The following ANKS1A variants were observed in gnomAD, a reference collection of about 807,000 sequenced individuals.
ANKS1A encodes ankyrin repeat and sterile alpha motif domain containing 1A.
A neutral mutation model predicts 120.3 loss-of-function variants in ANKS1A; 55 were observed. The observed-to-expected ratio is 0.46, with a 90% CI of 0.37 to 0.57. The LOEUF is 0.57. Among genes scored for constraint, ANKS1A ranks in the 20% least tolerant of loss-of-function variants. The pLI is 0.00. For missense variants in ANKS1A, 1,123 were observed against 1,480.3 expected (o/e 0.76, Z 3.96); for synonymous variants, 590 against 604.7 (o/e 0.98, Z 0.36).
chr6:34,975,141 A>G (rs563804251), intron 3 of ANKS1A, among the ~76,000 whole-genome samples: 47 of 152,328 alleles, frequency 3.1e-4, no homozygotes, highest in African/African-American at 1.0e-3. Flanking sequence ...TGAAAGGCCA[A>G]TTGATGCAAA....
intron 10 of ANKS1A, among the ~76,000 whole-genome samples, chr6:34,997,221 G>C (rs1476252041): frequency 5.7e-5 from 7 of 123,740 alleles, no homozygotes; most frequent in African/African-American, 2.1e-4. Flanking sequence ...TTTTGAGACA[G>C]AGTCTTGCTC....
intron 11 of ANKS1A, among the ~76,000 whole-genome samples, chr6:35,053,005 G>A (rs1776045016): frequency 6.6e-6 from 1 of 152,170 alleles, no homozygotes; most frequent in South Asian, 2.1e-4. Flanking sequence ...CGAGCCCCCA[G>A]CTGCCCAAGG....
intron 11 of ANKS1A, among the ~76,000 whole-genome samples, chr6:35,053,375 G>T (rs1203155338): frequency 6.6e-6 from 1 of 152,230 alleles, no homozygotes; most frequent in Non-Finnish European, 1.5e-5. Context: ...CATACTGGGG[G>T]CAGCGCTGGA....
At chr6:34,934,438 A>G (rs1000738171) in intron 1 of ANKS1A, among the ~76,000 whole-genome samples, 21 of 152,188 alleles carry the variant, frequency 1.4e-4, no homozygotes, top group South Asian at 2.1e-4. Flanking sequence ...GTGAGCCACC[A>G]CGCCCAGCCA....
At chr6:35,017,337 C>G in intron 10 of ANKS1A, 136 bp from the exon 11 acceptor site, 1 of 848,930 alleles carries the variant, frequency 1.2e-6, no homozygotes, top group Non-Finnish European at 1.8e-6. Context: ...CTCCTCTCCC[C>G]CTCCCCAGCC....
At chr6:34,959,707 C>T (rs1480812460) in intron 1 of ANKS1A, among the ~76,000 whole-genome samples, 3 of 152,136 alleles carry the variant, frequency 2.0e-5, no homozygotes, top group East Asian at 1.9e-4. Flanking sequence ...CTTGCTTTTG[C>T]GATTCTTATT....
intron 23 of ANKS1A, among the ~76,000 whole-genome samples, chr6:35,087,851 G>A (rs1408656694): frequency 6.6e-6 from 1 of 152,240 alleles, no homozygotes; most frequent in Non-Finnish European, 1.5e-5. Context: ...CTCCAAGGAG[G>A]TGGGTGGCAT....
chr6:35,070,484 C>CTTTTTTTTTTTTTTTTTTTTT (rs869249276), intron 13 of ANKS1A, among the ~76,000 whole-genome samples: 2 of 62,970 alleles, frequency 3.2e-5, no homozygotes, highest in Non-Finnish European at 2.9e-5. Flanking sequence ...AAGCCTTTAT[C>CTTTTTTTTTTTTTTTTTTTTT]TTTTTTTTTT....
chr6:35,097,140 GGTTT>G, the ANKS1A span, among the ~76,000 whole-genome samples: 1 of 152,156 alleles, frequency 6.6e-6, no homozygotes, highest in Admixed American at 6.5e-5. Context: ...TGTAAATTTA[GGTTT>G]GTCTAACAAC....
intron 14 of ANKS1A, among the ~76,000 whole-genome samples, chr6:35,078,945 G>A (rs927056989): frequency 2.6e-5 from 4 of 152,300 alleles, no homozygotes; most frequent in Admixed American, 6.5e-5. Context: ...CCTGGTACCC[G>A]CTGGCTTGGC....
chr6:35,050,348 T>C lies in ANKS1A; in HGVS notation c.2011-3751T>C, dbSNP rs1260559352. On this transcript the variant is annotated intron_variant, in intron 11 of 23. Transcript: ENST00000360359. The surrounding 1 kb of genome is among the most constrained non-coding windows in gnomAD (Gnocchi z 4.3). ...AAGTTTTCAGTCAGTTCACGTGAAGTGCACTAATAAGGAAGCATGGCCATT... is the reference window on the plus strand; with the variant it reads ...AAGTTTTCAGTCAGTTCACGTGAAGCGCACTAATAAGGAAGCATGGCCATT... Among the ~76,000 whole-genome samples the C allele has an allele frequency of 2.0e-5, 3 of 152,176 alleles. No individual in the cohort carries two copies. The highest frequency in any genetic ancestry group is 4.4e-5 in the Non-Finnish European group (3 of 68,030).
chr6:34,973,553 A>C (rs182291789), intron 3 of ANKS1A, among the ~76,000 whole-genome samples: 64 of 152,348 alleles, frequency 4.2e-4, no homozygotes, highest in African/African-American at 1.5e-3. Context: ...AGTGTGCTCA[A>C]GACACTACAT....
At position 34,982,045 on chromosome 6, in the gene ANKS1A, C is replaced by G; in HGVS notation, c.732+59C>G. On this transcript the variant is annotated intron_variant, in intron 4 of 23. Transcript: ENST00000360359. This position sits in a 1 kb window ranked among gnomAD's most constrained non-coding sequence, Gnocchi z 4.9. ...AGAGACTCAGTCATTTTGCAGAAGG[C>G]ACAAGGACCATGCTGCTGGGCTGTG... 10 of 1,583,022 alleles carry G rather than the reference C, an allele frequency of 6.3e-6. No homozygotes were observed. Among genetic ancestry groups the G allele is most frequent in the Non-Finnish European group, 7.7e-6 (9 of 1,162,216 alleles).
chr6:34,950,734 T>G (rs879047042), intron 1 of ANKS1A, among the ~76,000 whole-genome samples: 4 of 152,002 alleles, frequency 2.6e-5, no homozygotes, highest in Admixed American at 2.6e-4. Flanking sequence ...GGCCAAAGAC[T>G]TAGACATCAA....
chr6:34,895,088 A>G (rs1189212953), intron 1 of ANKS1A, among the ~76,000 whole-genome samples: 4 of 152,258 alleles, frequency 2.6e-5, no homozygotes, highest in Non-Finnish European at 5.9e-5. Context: ...ATTTTGAAAA[A>G]TGGACCTCAT....
At chr6:35,054,409 A>G (rs952631225) in intron 12 of ANKS1A, among the ~76,000 whole-genome samples, 5 of 152,164 alleles carry the variant, frequency 3.3e-5, no homozygotes, top group African/African-American at 1.2e-4. Context: ...TAAGCTGCCT[A>G]TTGGGAAAAA....
At position 34,982,576 on chromosome 6, in the gene ANKS1A, T is replaced by TG. The variant is rs1258057758; in HGVS notation, c.733-173dup. On this transcript the variant is annotated intron_variant, in intron 4 of 23. Transcript: ENST00000360359. This position sits in a 1 kb window ranked among gnomAD's most constrained non-coding sequence, Gnocchi z 4.9. ...GGTGGCACAGAATGGCCTTGGTGTA[T>TG]GGGCCATGATCGTGGTTTTGGAATC... Among the ~76,000 whole-genome samples, 1 of 152,178 alleles carries TG rather than the reference T, an allele frequency of 6.6e-6. No homozygotes were observed. Among genetic ancestry groups the TG allele is most frequent in the Non-Finnish European group, 1.5e-5 (1 of 68,030 alleles).
intron 12 of ANKS1A, among the ~76,000 whole-genome samples, chr6:35,059,858 G>A (rs1023606079): frequency 2.0e-5 from 3 of 152,216 alleles, no homozygotes; most frequent in African/African-American, 7.2e-5. Flanking sequence ...TGTGGGCAGA[G>A]ATCATGCATG....
intron 3 of ANKS1A, among the ~76,000 whole-genome samples, chr6:34,979,586 GT>G (rs984783330): frequency 6.6e-6 from 1 of 150,836 alleles, no homozygotes; most frequent in Non-Finnish European, 1.5e-5. Context: ...AAGTTTTTTT[GT>G]TTTTTTGGTT....
Sources: allele counts gnomAD v4.1 joint callset (sites outside exome capture counted in the v4.1 genomes callset), GRCh38; gene constraint gnomAD v4.1.1; non-coding constraint Gnocchi (gnomAD v3.1); transcripts MANE v1.5; gene names NCBI Gene and HGNC (gene_info 2026-07-23, HGNC 2026-07-21).